ARAP2: variants seen among roughly 807,000 people sequenced by gnomAD.
ARAP2 encodes arf-GAP with Rho-GAP domain, ANK repeat and PH domain-containing protein 2.
A neutral mutation model predicts 194.5 loss-of-function variants in ARAP2; 148 were observed. The observed-to-expected ratio is 0.76, with a 90% CI of 0.67 to 0.87. The LOEUF (loss-of-function observed/expected upper bound fraction) is 0.87. Ranked by LOEUF, ARAP2 falls within the 40% of genes least tolerant of loss-of-function variation. The pLI is 0.00. For synonymous variants in ARAP2, 695 were observed against 683.5 expected (o/e 1.02, Z -0.26); for missense variants, 2,128 against 1,989.7 (o/e 1.07, Z -1.32).
chr4:36,021,975 C>T (rs756625267), intron 5 of ARAP2, among the ~76,000 whole-genome samples: 4 of 152,124 alleles, frequency 2.6e-5, no homozygotes, highest in Admixed American at 6.5e-5. Flanking sequence ...ATAGTATAGC[C>T]TATTTCTCCC....
In ARAP2 at chr4:36,073,681, T is replaced by A; in HGVS notation, c.4743+8A>T. The A allele has an allele frequency of 2.5e-6, 4 of 1,610,558 alleles. No individual in the cohort carries two copies. The highest frequency in any genetic ancestry group is 3.4e-6 in the Non-Finnish European group (4 of 1,177,856). On this transcript the variant is annotated splice_region_variant and intron_variant, in intron 32 of 32. Transcript: ENST00000303965. Reference sequence around the variant, plus strand: ...ATTGAATATAAAACAAACAAAATCCTAACCTACCTCAATATTTTTCCGGGC... The same window carrying A: ...ATTGAATATAAAACAAACAAAATCCAAACCTACCTCAATATTTTTCCGGGC...
chr4:36,232,847 A>C (rs1312004747), intron 1 of ARAP2, among the ~76,000 whole-genome samples: 1 of 152,212 alleles, frequency 6.6e-6, no homozygotes, highest in Non-Finnish European at 1.5e-5. Context: ...ATGGCAGAAG[A>C]GATTGAGAAG....
Position 36,121,234 on chromosome 4 carries a change from C to T in ARAP2, c.3839G>A (p.Ser1280Asn), listed in dbSNP as rs368615935. ...SCLFQTKGQT[S>N]EEVNVIEDLI... The stretch of plus-strand genomic sequence containing the variant: ...GTCCTCAATTACATTCACTTCTTCA[C>T]TAGTTTGTCCCTTCGTTTGAAACAA... Residue 1280 changes from serine (S) to asparagine (N), a missense_variant, in exon 23 of 33, where the codon AGT becomes AAT. Ser to Asn is a conservative substitution (Grantham distance 46). Transcript: ENST00000303965. 5 of 1,606,928 alleles carry T rather than the reference C, an allele frequency of 3.1e-6. No homozygotes were observed. Among genetic ancestry groups the T allele is most frequent in the South Asian group, 2.2e-5 (2 of 90,242 alleles).
intron 24 of ARAP2, 62 bp from the exon 25 acceptor site, chr4:36,117,197 A>T (rs1721565754): frequency 1.7e-6 from 2 of 1,190,778 alleles, no homozygotes; most frequent in African/African-American, 3.2e-5. Context: ...CATATTTGAA[A>T]CTGAAGACAG....
chr4:36,205,474 CA>C lies in ARAP2; in HGVS notation c.1487+4915del, dbSNP rs966025065. 5.8e-4 allele frequency among the ~76,000 whole-genome samples: 88 copies of C among 151,246 alleles called. 1 individual carries two copies. Among genetic ancestry groups the C allele is most frequent in the Non-Finnish European group, 2.7e-4 (18 of 67,840 alleles). On this transcript the variant is annotated intron_variant, in intron 6 of 32. Transcript: ENST00000303965. ...TTAAACTATGTGCTTTTATAACAAT[CA>C]AAAAAAATGAATTCTGAAAGTTCAG...
chr4:36,197,663 A>G (rs1203515151), intron 6 of ARAP2, among the ~76,000 whole-genome samples: 5 of 152,154 alleles, frequency 3.3e-5, no homozygotes, highest in Non-Finnish European at 4.4e-5. Flanking sequence ...CCAGGTGTGG[A>G]GCAGTGAGGG....
intron 6 of ARAP2, among the ~76,000 whole-genome samples, chr4:36,208,197 C>T (rs1295266709): frequency 2.0e-5 from 3 of 152,108 alleles, no homozygotes; most frequent in South Asian, 4.2e-4. Flanking sequence ...GCAAAGGAGA[C>T]ATTTTAGCAT....
At chr4:36,023,297 G>T (rs981947275) in intron 5 of ARAP2, among the ~76,000 whole-genome samples, 8 of 152,172 alleles carry the variant, frequency 5.3e-5, no homozygotes, top group African/African-American at 1.9e-4. Flanking sequence ...TGAATCATTT[G>T]CTTGTATAGC....
intron 9 of ARAP2, among the ~76,000 whole-genome samples, chr4:36,177,562 AC>A (rs1480336485): frequency 6.6e-6 from 1 of 152,122 alleles, no homozygotes; most frequent in Non-Finnish European, 1.5e-5. Flanking sequence ...ACTAAATAAG[AC>A]TTTTCAAAAA....
chr4:36,160,459 C>T lies in ARAP2; in HGVS notation c.2442G>A (p.Lys814=). Residue 814 remains lysine (K), a splice_region_variant and synonymous_variant, in exon 13 of 33, where the codon AAG becomes AAA. Coordinates refer to ENST00000303965, the MANE Select transcript of ARAP2 (RefSeq NM_015230.4). ...TCTGCTGTTATGTTTAATTGAATAC[C>T]TTATTTAATTCTTCTTTGGTGAGAG... is the stretch of plus-strand genomic sequence containing the variant. ...LASLTKEELN[K]ALCAAVVKPD... 2 of 1,541,070 alleles carry T rather than the reference C, an allele frequency of 1.3e-6. No individual in the cohort carries two copies. The highest frequency in any genetic ancestry group is 2.4e-5 in the East Asian group (1 of 41,288).
chr4:36,115,473 C>T (rs753966728), intron 25 of ARAP2, among the ~76,000 whole-genome samples: 2 of 151,968 alleles, frequency 1.3e-5, no homozygotes, highest in Non-Finnish European at 2.9e-5. Context: ...GTGAAACAGG[C>T]AGCAGGAAGC....
chr4:36,136,783 A>ATGTGTGTGTG (rs772565955), intron 19 of ARAP2, among the ~76,000 whole-genome samples: 277 of 143,890 alleles, frequency 1.9e-3, no homozygotes, highest in South Asian at 5.3e-3. Flanking sequence ...AATCAAATAT[A>ATGTGTGTGTG]TGTGTGTGTG....
chr4:36,230,694 G>A (rs1751281008), intron 1 of ARAP2, among the ~76,000 whole-genome samples: 1 of 152,124 alleles, frequency 6.6e-6, no homozygotes. Flanking sequence ...GTACAGAGCA[G>A]GCATGACACA....
intron 14 of ARAP2, among the ~76,000 whole-genome samples, chr4:36,159,082 G>T (rs1432656968): frequency 2.6e-5 from 4 of 152,090 alleles, no homozygotes; most frequent in Non-Finnish European, 5.9e-5. Flanking sequence ...TAATGTTGGT[G>T]GAAATGATTA....
At chr4:36,082,193 CT>C in intron 30 of ARAP2, 57 bp downstream of exon 30, 2 of 1,490,300 alleles carry the variant, frequency 1.3e-6, no homozygotes, top group Non-Finnish European at 1.8e-6. Flanking sequence ...TGAAATTATT[CT>C]TTTCCTGAAA....
chr4:36,187,683 ATT>A, intron 7 of ARAP2, 112 bp from the exon 8 acceptor site: 1 of 896,552 alleles, frequency 1.1e-6, no homozygotes, highest in Non-Finnish European at 1.6e-6. Flanking sequence ...TTCAATCCAA[ATT>A]TTTTAAATGC....
At position 36,210,600 on chromosome 4, in the gene ARAP2, C is replaced by G. The variant is rs1222565374; in HGVS notation, c.1277G>C (p.Arg426Thr). 2 of 1,613,844 alleles carry G rather than the reference C, an allele frequency of 1.2e-6. No homozygotes were observed. The highest frequency in any genetic ancestry group is 1.1e-5 in the South Asian group (1 of 91,072). Residue 426 changes from arginine to threonine, a missense_variant, in exon 6 of 33, where the codon AGA (arginine) becomes ACA (threonine). Transcript: ENST00000303965. ...STVEECFQSLRRKNSKASKSR... is the reference protein window; with the variant it reads ...STVEECFQSLTRKNSKASKSR... ...TTTAGATGCCTTTGAATTTTTTCTT[C>G]TTAAACTCTGAAAGCATTCTTCTAC...
At chr4:36,049,498 T>C (rs574046558) in intron 3 of ARAP2, among the ~76,000 whole-genome samples, 2 of 152,178 alleles carry the variant, frequency 1.3e-5, no homozygotes, top group Non-Finnish European at 2.9e-5. Flanking sequence ...ACTATTTGAT[T>C]TTCTTGAGGA....
intron 6 of ARAP2, among the ~76,000 whole-genome samples, chr4:36,203,989 C>T (rs73129105): frequency 0.02 from 3,084 of 151,948 alleles, 100 homozygotes; most frequent in African/African-American, 0.07. Flanking sequence ...ATAAAAAGAA[C>T]AGTCAAAAGA....
Sources: gnomAD v4.1 joint callset for allele counts (sites outside exome capture counted in the v4.1 genomes callset) on GRCh38, gnomAD v4.1.1 for gene constraint, MANE v1.5 for transcripts, NCBI Gene and HGNC (gene_info 2026-07-23, HGNC 2026-07-21) for gene names.